MPDZ: variants seen among roughly 807,000 people sequenced by gnomAD.
The protein encoded by MPDZ is multiple PDZ domain crumbs cell polarity complex component.
In MPDZ, 234 loss-of-function variants were observed where a neutral mutation model predicts 239.1. The observed-to-expected ratio is 0.98, with a 90% CI of 0.88 to 1.09. MPDZ has a LOEUF of 1.09. Among genes scored for constraint, MPDZ ranks in the 50% least tolerant of loss-of-function variants. The pLI is 0.00. For synonymous variants in MPDZ, 1,048 were observed against 881.3 expected (o/e 1.19, Z -3.35); for missense variants, 3,175 against 2,510.0 (o/e 1.26, Z -5.66).
At chr9:13,205,144 G>A in intron 11 of MPDZ, 37 bp from the exon 12 acceptor site, 1 of 1,098,464 alleles carries the variant, frequency 9.1e-7, no homozygotes, top group Middle Eastern at 3.1e-4. Flanking sequence ...TTTATCTTTA[G>A]TATAATCAAG....
chr9:13,217,904 A>C (rs1046068282), intron 8 of MPDZ, among the ~76,000 whole-genome samples: 1 of 151,820 alleles, frequency 6.6e-6, no homozygotes, highest in Non-Finnish European at 1.5e-5. Flanking sequence ...CACCTTCTCT[A>C]ATGTGTAGAG....
intron 39 of MPDZ, among the ~76,000 whole-genome samples, chr9:13,118,727 GA>G (rs997951010): frequency 6.6e-6 from 1 of 152,148 alleles, no homozygotes; most frequent in Non-Finnish European, 1.5e-5. Flanking sequence ...AGAGTCCCAG[GA>G]ATTATATTGT....
At chr9:13,180,099 C>T (rs951658880) in intron 19 of MPDZ, among the ~76,000 whole-genome samples, 1 of 152,064 alleles carries the variant, frequency 6.6e-6, no homozygotes, top group Non-Finnish European at 1.5e-5. Flanking sequence ...CTCACAGTCA[C>T]TCATCATTTT....
In MPDZ at chr9:13,168,578, G is replaced by A. The variant is rs530469041; in HGVS notation, c.3056-14C>T. Reference sequence around the variant, plus strand: ...TAACTGTCATTCCTACAGGAAAAGAGAAATGCAAATATAATTAAATACATG... The same window carrying A: ...TAACTGTCATTCCTACAGGAAAAGAAAAATGCAAATATAATTAAATACATG... On this transcript the variant is annotated splice_polypyrimidine_tract_variant and intron_variant, in intron 21 of 46. Coordinates refer to ENST00000319217, the MANE Select transcript of MPDZ (RefSeq NM_001378778.1). 1 of 1,511,020 alleles carries A rather than the reference G, an allele frequency of 6.6e-7. No individual in the cohort carries two copies. Among genetic ancestry groups the A allele is most frequent in the East Asian group, 2.5e-5 (1 of 40,150 alleles). The allele number at this position is 1,511,020 out of a possible 1,614,324, so 93.6% of individuals were successfully genotyped here. A position where few individuals can be genotyped will look rare whatever the true frequency, so the allele number is the denominator to read the frequency against.
Position 13,222,920 on chromosome 9 carries a change from A to ATACAT in MPDZ, c.534-475_534-474insATGTA, listed in dbSNP as rs1273270327. Among the ~76,000 whole-genome samples the ATACAT allele has an allele frequency of 1.2e-3, 186 of 152,064 alleles. 3 individuals are homozygous for ATACAT. The highest frequency in any genetic ancestry group is 3.9e-3 in the African/African-American group (162 of 41,500). Reference sequence around the variant, plus strand: ...AGATCCCCAACTGGGGATCACATCCATAGATTAGATCCCCAACTGGGGATC... The same window carrying ATACAT: ...AGATCCCCAACTGGGGATCACATCCATACATTAGATTAGATCCCCAACTGGGGATC... On this transcript the variant is annotated intron_variant, in intron 5 of 46. Transcript: ENST00000319217.
rs1182780338 is a variant in MPDZ at position 13,205,958 on chromosome 9, T to C, written c.1432A>G (p.Lys478Glu). 6.2e-7 allele frequency: 1 copy of C among 1,608,992 alleles called. No individual in the cohort carries two copies. Among genetic ancestry groups the C allele is most frequent in the Non-Finnish European group, 8.5e-7 (1 of 1,178,240 alleles). ...AELMSREDVT[K>E]DADLSPVNAS... ...TTAACAGGAGACAAATCTGCATCTTTTGTGACGTCTTCCCTTGACATGAGC... is the reference window on the plus strand; with the variant it reads ...TTAACAGGAGACAAATCTGCATCTTCTGTGACGTCTTCCCTTGACATGAGC... Residue 478 changes from lysine (K) to glutamate (E), a missense_variant, in exon 11 of 47, where the codon AAA becomes GAA. Lys to Glu is a moderately conservative substitution (Grantham distance 56). Coordinates refer to ENST00000319217, the MANE Select transcript of MPDZ (RefSeq NM_001378778.1).
intron 3 of MPDZ, among the ~76,000 whole-genome samples, chr9:13,245,102 A>C (rs1436696166): frequency 6.6e-6 from 1 of 152,092 alleles, no homozygotes; most frequent in African/African-American, 2.4e-5. Context: ...TAAAAGAATA[A>C]ATTTAATTCC....
rs928132294 is a variant in MPDZ, at chr9:13,247,914, T to A, written c.17-113A>T. The A allele has an allele frequency of 6.7e-6, 7 of 1,047,208 alleles. No individual in the cohort carries two copies. The African/African-American group carries it at 9.5e-5, about 14-fold the overall frequency. The allele number at this position is 1,047,208 out of a possible 1,614,324, so 64.9% of individuals were successfully genotyped here. On this transcript the variant is annotated intron_variant, in intron 2 of 46. Coordinates refer to ENST00000319217, the MANE Select transcript of MPDZ (RefSeq NM_001378778.1). ...ACTATTTCTATTGAGTGCATAAAATTGTCTCTTTTAAATTGAATAAAAAAA... is the reference window on the plus strand; with the variant it reads ...ACTATTTCTATTGAGTGCATAAAATAGTCTCTTTTAAATTGAATAAAAAAA...
intron 3 of MPDZ, among the ~76,000 whole-genome samples, chr9:13,242,917 C>T (rs1035132643): frequency 1.3e-5 from 2 of 152,162 alleles, no homozygotes; most frequent in African/African-American, 2.4e-5. Flanking sequence ...CTTCCAGTCA[C>T]GACAGTAAGA....
At chr9:13,153,732 G>C (rs1343556247) in intron 24 of MPDZ, among the ~76,000 whole-genome samples, 1 of 152,072 alleles carries the variant, frequency 6.6e-6, no homozygotes, top group East Asian at 1.9e-4. Flanking sequence ...CATATAGTAA[G>C]TTCAGCCACA....
At chr9:13,133,532 T>A (rs1007481715) in intron 32 of MPDZ, among the ~76,000 whole-genome samples, 8 of 152,292 alleles carry the variant, frequency 5.3e-5, no homozygotes, top group African/African-American at 1.9e-4. Flanking sequence ...ATTTCATAAC[T>A]TGGAATAATT....
At chr9:13,255,969 A>G (rs1485388645) in intron 1 of MPDZ, among the ~76,000 whole-genome samples, 1 of 152,208 alleles carries the variant, frequency 6.6e-6, no homozygotes, top group African/African-American at 2.4e-5. Flanking sequence ...TCTTCTTTCA[A>G]TATAATGCTG....
At chr9:13,182,733 C>T (rs752386395) in intron 19 of MPDZ, among the ~76,000 whole-genome samples, 7 of 151,984 alleles carry the variant, frequency 4.6e-5, no homozygotes, top group Non-Finnish European at 8.8e-5. Context: ...CCATTTCACA[C>T]CCAAAACATT....
chr9:13,120,381 C>T (rs10960954), intron 38 of MPDZ: 62,588 of 151,988 alleles, frequency 0.41, 15,392 homozygotes, highest in Middle Eastern at 0.57. Context: ...TGATCCTCCG[C>T]TTTCCCATCT....
At chr9:13,208,673 A>AATGTATAAGTT (rs1957268798) in intron 10 of MPDZ, among the ~76,000 whole-genome samples, 1 of 149,246 alleles carries the variant, frequency 6.7e-6, no homozygotes, top group Non-Finnish European at 1.5e-5. Context: ...TAGGATATAT[A>AATGTATAAGTT]TATATAATAT....
Position 13,217,201 on chromosome 9 carries a change from A to T in MPDZ, c.1180T>A (p.Tyr394Asn), listed in dbSNP as rs749290739. 4 of 1,593,492 alleles carry T rather than the reference A, an allele frequency of 2.5e-6. No individual in the cohort carries two copies. Among genetic ancestry groups the T allele is most frequent in the South Asian group, 2.3e-5 (2 of 86,376 alleles). ...TTACCCAATTTTTTATCTCCAATGT[A>T]GCCAGCAATGGTAATTCCTAATCCT... ...VQGLGITIAG[Y>N]IGDKKLEPSG... The change falls in exon 9 of 47, where the codon TAC becomes AAC. Residue 394 changes from tyrosine to asparagine, a missense_variant. Physicochemically the swap from Tyr to Asn is moderately radical, Grantham distance 143. Coordinates refer to ENST00000319217, the MANE Select transcript of MPDZ (RefSeq NM_001378778.1).
At chr9:13,272,411 A>G (rs1973189617) in intron 1 of MPDZ, among the ~76,000 whole-genome samples, 1 of 152,242 alleles carries the variant, frequency 6.6e-6, no homozygotes, top group Non-Finnish European at 1.5e-5. Flanking sequence ...AGATTAAATC[A>G]GAATGAAGAG....
chr9:13,109,929 C>G lies in MPDZ; in HGVS notation c.5942+23G>C, dbSNP rs139205360. The G allele has an allele frequency of 1.5e-4, 240 of 1,565,568 alleles. 1 individual carries two copies. In the African/African-American group the frequency reaches 2.5e-3, roughly 16 times the overall value. On this transcript the variant is annotated intron_variant, in intron 45 of 46. Coordinates refer to ENST00000319217, the MANE Select transcript of MPDZ (RefSeq NM_001378778.1). ...TGATTCATAAGTGAAAAATGATACA[C>G]TAATCATCATGTATGAACTCACCCT...
chr9:13,236,312 T>C lies in MPDZ; in HGVS notation c.183+11323A>G, dbSNP rs756307537. ...TTTTTTTTGAGACAGAGTTTCACTC[T>C]TGTTGCCCAGGCTGGAGTGCGATGG... On this transcript the variant is annotated intron_variant, in intron 3 of 46. Transcript: ENST00000319217. Among the ~76,000 whole-genome samples, 117 of 130,338 alleles carry C rather than the reference T, an allele frequency of 9.0e-4. 2 individuals carry two copies. The highest frequency in any genetic ancestry group is 1.1e-3 in the Non-Finnish European group (67 of 61,856). The allele number at this position is 130,338 out of a possible 152,430, so 85.5% of individuals were successfully genotyped here.
Sources: gnomAD v4.1 joint callset for allele counts (sites outside exome capture counted in the v4.1 genomes callset) on GRCh38, gnomAD v4.1.1 for gene constraint, MANE v1.5 for transcripts, NCBI Gene and HGNC (gene_info 2026-07-23, HGNC 2026-07-21) for gene names.